IMMP2L: variants seen among roughly 807,000 people sequenced by gnomAD.
The protein encoded by IMMP2L is mitochondrial inner membrane protease subunit 2.
In IMMP2L, 18 loss-of-function variants were observed where a neutral mutation model predicts 19.3. The observed-to-expected ratio is 0.93, with a 90% confidence interval of 0.64 to 1.38. The LOEUF is 1.38. Ranked by LOEUF, IMMP2L falls within the 40% of genes most tolerant of loss-of-function variation. The probability of loss-of-function intolerance (pLI) is 0.00; values close to 1 mark genes in which losing one functional copy is unlikely to be tolerated. For missense variants in IMMP2L, 233 were observed against 218.2 expected (o/e 1.07, Z -0.43); for synonymous variants, 76 against 73.0 (o/e 1.04, Z -0.21).
In IMMP2L at chr7:110,793,608, CAAAAA is replaced by C. The variant is rs141406846; in HGVS notation, c.408+92980_408+92984del. 6.3e-3 allele frequency among the ~76,000 whole-genome samples: 943 copies of C among 149,950 alleles called. 9 individuals are homozygous for C. The highest frequency in any genetic ancestry group is 0.022 in the African/African-American group (882 of 41,020). On this transcript the variant is annotated intron_variant, in intron 5 of 5. Coordinates refer to ENST00000405709, the MANE Select transcript of IMMP2L (RefSeq NM_032549.4). ...ATAAAAACTTGTATCTTCTCTAGAA[CAAAAA>C]AAAAGTATAAAGCTGCAGTTATGTA...
intron 2 of IMMP2L, among the ~76,000 whole-genome samples, chr7:111,511,727 C>G (rs1477960533): frequency 6.6e-6 from 1 of 151,558 alleles, no homozygotes; most frequent in Non-Finnish European, 1.5e-5. Flanking sequence ...CCTAGCAGAA[C>G]AGAAACATTT....
intron 3 of IMMP2L, among the ~76,000 whole-genome samples, chr7:111,226,578 T>C (rs1309343953): frequency 1.3e-5 from 2 of 152,130 alleles, no homozygotes; most frequent in African/African-American, 4.8e-5. Context: ...TGCTTGATCA[T>C]TGCGCTCTTT....
intron 3 of IMMP2L, among the ~76,000 whole-genome samples, chr7:111,321,235 G>C (rs1018560433): frequency 6.6e-6 from 1 of 151,860 alleles, no homozygotes; most frequent in African/African-American, 2.4e-5. Flanking sequence ...AAAAGCATCT[G>C]TCCATACAGT....
chr7:110,784,719 C>A (rs1009453733), intron 5 of IMMP2L, among the ~76,000 whole-genome samples: 5 of 151,846 alleles, frequency 3.3e-5, no homozygotes, highest in Non-Finnish European at 5.9e-5. Context: ...ACTTGGAAAG[C>A]TCTTTTGAAA....
At chr7:110,763,329 A>G (rs1584754435) in intron 5 of IMMP2L, among the ~76,000 whole-genome samples, 1 of 152,116 alleles carries the variant, frequency 6.6e-6, no homozygotes, top group South Asian at 2.1e-4. Flanking sequence ...AACCCTGACG[A>G]CACACTTTCC....
At chr7:111,120,165 A>G (rs1800416846) in intron 3 of IMMP2L, among the ~76,000 whole-genome samples, 1 of 152,170 alleles carries the variant, frequency 6.6e-6, no homozygotes, top group African/African-American at 2.4e-5. Context: ...ACTGGTATAG[A>G]TTTAAAAGAA....
In IMMP2L at chr7:111,163,304, AC is replaced by A. The variant is rs11288653; in HGVS notation, c.240-199740del. Among the ~76,000 whole-genome samples, 751 of 152,032 alleles carry A rather than the reference AC, an allele frequency of 4.9e-3. 10 individuals carry two copies. Among genetic ancestry groups the A allele is most frequent in the African/African-American group, 0.018 (729 of 41,460 alleles). On this transcript the variant is annotated intron_variant, in intron 3 of 5. Coordinates refer to ENST00000405709, the MANE Select transcript of IMMP2L (RefSeq NM_032549.4). The stretch of plus-strand genomic sequence containing the variant: ...CCACGTGGCTTCATCACATAGACCA[AC>A]CCCTTAACACCCCTCAGTGCCAGTC...
intron 3 of IMMP2L, among the ~76,000 whole-genome samples, chr7:111,324,119 T>C (rs1364611580): frequency 2.0e-5 from 3 of 151,988 alleles, no homozygotes; most frequent in Non-Finnish European, 1.5e-5. Flanking sequence ...TGTGCACATA[T>C]ACCCTAAAAC....
intron 1 of IMMP2L, among the ~76,000 whole-genome samples, chr7:111,548,606 A>C (rs1381491656): frequency 2.0e-5 from 3 of 152,198 alleles, no homozygotes; most frequent in Non-Finnish European, 4.4e-5. Flanking sequence ...TCTCGAAGTA[A>C]TCACCATCAA....
chr7:111,421,037 T>C (rs892250111), intron 3 of IMMP2L, among the ~76,000 whole-genome samples: 2 of 151,926 alleles, frequency 1.3e-5, no homozygotes, highest in Admixed American at 6.5e-5. Context: ...TGTAAAAGCA[T>C]TCCTATTTCT....
intron 3 of IMMP2L, among the ~76,000 whole-genome samples, chr7:111,090,712 CTTCTT>C (rs919447895): frequency 3.3e-5 from 5 of 151,928 alleles, no homozygotes; most frequent in Admixed American, 2.0e-4. Context: ...GCAAGCTTCT[CTTCTT>C]AAATAATGCA....
intron 3 of IMMP2L, among the ~76,000 whole-genome samples, chr7:111,064,108 T>C (rs1227534806): frequency 6.6e-6 from 1 of 152,186 alleles, no homozygotes; most frequent in Non-Finnish European, 1.5e-5. Flanking sequence ...AAGGGGTTTA[T>C]TGGACTCACA....
chr7:111,504,075 T>G lies in IMMP2L; in HGVS notation c.136-16734A>C, dbSNP rs887896255. Among the ~76,000 whole-genome samples the G allele has an allele frequency of 3.9e-3, 595 of 152,256 alleles. 3 individuals carry two copies. The highest frequency in any genetic ancestry group is 0.013 in the African/African-American group (534 of 41,554). On this transcript the variant is annotated intron_variant, in intron 2 of 5. Coordinates refer to ENST00000405709, the MANE Select transcript of IMMP2L (RefSeq NM_032549.4). ...ATGATTGTATATCTAGAAAACCCTA[T>G]TGTCTCAGCCCAAAATCTCCTTAAG...
chr7:110,985,397 A>G (rs1359813685), intron 3 of IMMP2L, among the ~76,000 whole-genome samples: 2 of 152,156 alleles, frequency 1.3e-5, no homozygotes, highest in African/African-American at 4.8e-5. Flanking sequence ...TCAAGAATCT[A>G]TATTACAACA....
intron 4 of IMMP2L, among the ~76,000 whole-genome samples, chr7:110,922,249 TG>T (rs1160519279): frequency 6.6e-6 from 1 of 152,228 alleles, no homozygotes; most frequent in Non-Finnish European, 1.5e-5. Context: ...TGGCAATGTT[TG>T]TAAACTGTAA....
At chr7:110,927,611 C>G (rs181814761) in intron 4 of IMMP2L, among the ~76,000 whole-genome samples, 1 of 152,072 alleles carries the variant, frequency 6.6e-6, no homozygotes, top group African/African-American at 2.4e-5. Flanking sequence ...ATATATAAAG[C>G]CAAGGAGCCA....
intron 3 of IMMP2L, among the ~76,000 whole-genome samples, chr7:111,298,105 C>T (rs138868076): frequency 1.3e-5 from 2 of 152,140 alleles, no homozygotes; most frequent in East Asian, 3.9e-4. Flanking sequence ...AACAGAATAT[C>T]AAGTAGCAAT....
In IMMP2L at chr7:111,437,258, C is replaced by G. The variant is rs188715796; in HGVS notation, c.239+49980G>C. On this transcript the variant is annotated intron_variant, in intron 3 of 5. Transcript: ENST00000405709. ...GTCATGAGTTCGAGACCAGCCTGAC[C>G]AACGTGGAAAAACCCCATCTCTACT... Among the ~76,000 whole-genome samples the G allele has an allele frequency of 3.0e-3, 459 of 151,768 alleles. 3 individuals carry two copies. Among genetic ancestry groups the G allele is most frequent in the Non-Finnish European group, 4.8e-3 (324 of 67,990 alleles).
chr7:110,751,445 C>T (rs1797713980), intron 5 of IMMP2L, among the ~76,000 whole-genome samples: 1 of 151,916 alleles, frequency 6.6e-6, no homozygotes, highest in African/African-American at 2.4e-5. Flanking sequence ...AGCCAACATT[C>T]AAGCAACTCT....
Sources: gnomAD v4.1 joint callset for allele counts (sites outside exome capture counted in the v4.1 genomes callset) on GRCh38, gnomAD v4.1.1 for gene constraint, MANE v1.5 for transcripts, NCBI Gene and HGNC (gene_info 2026-07-23, HGNC 2026-07-21) for gene names.